The following NRCAM variants were observed in gnomAD, a reference collection of about 807,000 sequenced individuals.
NRCAM encodes the protein neuronal cell adhesion molecule.
Under a neutral mutation model 156.5 loss-of-function variants are expected in NRCAM, and 83 were observed. The observed-to-expected ratio is 0.53, with a 90% CI of 0.44 to 0.64. NRCAM has a LOEUF of 0.64. Among genes scored for constraint, NRCAM ranks in the 30% least tolerant of loss-of-function variants. NRCAM has a pLI of 0.00. For synonymous variants in NRCAM, 538 were observed against 563.9 expected, an observed-to-expected ratio of 0.95 and a Z score of 0.65; for missense variants, 1,417 against 1,597.3, an observed-to-expected ratio of 0.89 and a Z score of 1.92.
intron 3 of NRCAM, among the ~76,000 whole-genome samples, chr7:108,279,258 A>T (rs906743197): frequency 3.9e-5 from 6 of 152,136 alleles, no homozygotes; most frequent in Non-Finnish European, 5.9e-5. Flanking sequence ...TAGTTTTATC[A>T]ATTTTATTTC....
chr7:108,271,310 A>G (rs2097338422), intron 3 of NRCAM, among the ~76,000 whole-genome samples: 1 of 152,196 alleles, frequency 6.6e-6, no homozygotes, highest in African/African-American at 2.4e-5. Context: ...AGGAAAAAAT[A>G]GTCTTCTGCT....
chr7:108,311,274 C>G (rs563321369), intron 3 of NRCAM, among the ~76,000 whole-genome samples: 1 of 152,316 alleles, frequency 6.6e-6, no homozygotes, highest in East Asian at 1.9e-4. Context: ...AATACCATTA[C>G]TAGTAACTCC....
intron 1 of NRCAM, among the ~76,000 whole-genome samples, chr7:108,408,070 T>C (rs572266042): frequency 1.4e-3 from 208 of 152,348 alleles, no homozygotes; most frequent in Middle Eastern, 6.8e-3. Flanking sequence ...GAAGTGATTT[T>C]ATCATTTTCA....
chr7:108,368,183 C>A (rs2099603617), intron 2 of NRCAM, among the ~76,000 whole-genome samples: 1 of 151,366 alleles, frequency 6.6e-6, no homozygotes, highest in African/African-American at 2.4e-5. Flanking sequence ...AGCACCGGCT[C>A]TTCCTGCAGG....
chr7:108,427,798 A>G (rs925305676), intron 1 of NRCAM, among the ~76,000 whole-genome samples: 2 of 152,222 alleles, frequency 1.3e-5, no homozygotes, highest in African/African-American at 4.8e-5. Flanking sequence ...AAAAGTAAAC[A>G]GCAAATCCAA....
In NRCAM at chr7:108,325,132, T is replaced by G. The variant is rs146625679; in HGVS notation, c.-173-12401A>C. 2.8e-5 allele frequency among the ~76,000 whole-genome samples: 4 copies of G among 141,450 alleles called. No individual in the cohort carries two copies. The East Asian group carries it at 8.2e-4, about 29-fold the overall frequency. The allele number at this position is 141,450 out of a possible 152,430, so 92.8% of individuals were successfully genotyped here. A position where few individuals can be genotyped will look rare whatever the true frequency, so the allele number is the denominator to read the frequency against. On this transcript the variant is annotated intron_variant, in intron 2 of 32. Transcript: ENST00000379028. Reference sequence around the variant, plus strand: ...CTTGTGGGAAAAGAAGGAAAATACATTAGTCTTTTCAGCTAACCTAGAAAA... The same window carrying G: ...CTTGTGGGAAAAGAAGGAAAATACAGTAGTCTTTTCAGCTAACCTAGAAAA...
intron 2 of NRCAM, among the ~76,000 whole-genome samples, chr7:108,373,595 G>C (rs147219491): frequency 6.6e-6 from 1 of 152,268 alleles, no homozygotes; most frequent in Non-Finnish European, 1.5e-5. Flanking sequence ...AATCAGTTAT[G>C]GTTGTTAGCA....
At chr7:108,248,242 T>C (rs1179385043) in intron 3 of NRCAM, among the ~76,000 whole-genome samples, 5 of 152,112 alleles carry the variant, frequency 3.3e-5, no homozygotes, top group Admixed American at 3.3e-4. Context: ...AAGCAACACA[T>C]GGCAAAATGG....
intron 1 of NRCAM, among the ~76,000 whole-genome samples, chr7:108,438,328 G>C (rs532906129): frequency 6.6e-6 from 1 of 152,212 alleles, no homozygotes; most frequent in East Asian, 1.9e-4. Flanking sequence ...TGTACAATAT[G>C]ACCAAGTGGG....
intron 2 of NRCAM, among the ~76,000 whole-genome samples, chr7:108,345,000 C>T (rs1229580772): frequency 1.3e-5 from 2 of 152,170 alleles, no homozygotes; most frequent in Non-Finnish European, 2.9e-5. Flanking sequence ...TAGGATTCAA[C>T]TCAATCTGTG....
intron 29 of NRCAM, 68 bp from the exon 30 acceptor site, chr7:108,167,141 A>G: frequency 8.2e-7 from 1 of 1,224,114 alleles, no homozygotes; most frequent in Non-Finnish European, 1.2e-6. Context: ...TAATGCTTCA[A>G]GAAAGGAAAA....
At chr7:108,307,887 G>A (rs11768790) in intron 3 of NRCAM, among the ~76,000 whole-genome samples, 1 of 151,846 alleles carries the variant, frequency 6.6e-6, no homozygotes, top group South Asian at 2.1e-4. Flanking sequence ...CTGGAAGGAA[G>A]AGACATGATA....
Position 108,240,088 on chromosome 7 carries a change from AC to A in NRCAM, c.-25del, listed in dbSNP as rs775161514. 6.7e-7 allele frequency: 1 copy of A among 1,499,872 alleles called. No individual in the cohort carries two copies. Among genetic ancestry groups the A allele is most frequent in the East Asian group, 2.3e-5 (1 of 44,200 alleles). 92.9% of individuals were successfully genotyped at this position (1,499,872 alleles called of 1,614,324 possible). On this transcript the variant is annotated 5_prime_UTR_variant, in exon 4 of 33. Coordinates refer to ENST00000379028, the MANE Select transcript of NRCAM (RefSeq NM_001037132.4). ...ATTAGCTTAACTCCTGCTGAGACTCACACACTGAATTTCCTTTTCTTCTTTC... is the reference window on the plus strand; with the variant it reads ...ATTAGCTTAACTCCTGCTGAGACTCAACACTGAATTTCCTTTTCTTCTTTC...
chr7:108,176,843 A>G (rs1423150968), intron 26 of NRCAM: 3 of 301,722 alleles, frequency 9.9e-6, no homozygotes, highest in Non-Finnish European at 1.8e-5. Flanking sequence ...TATGTTCTCT[A>G]TTGGCTAATA....
At chr7:108,158,676 A>C (rs2046966547) in intron 32 of NRCAM, among the ~76,000 whole-genome samples, 1 of 152,158 alleles carries the variant, frequency 6.6e-6, no homozygotes, top group Non-Finnish European at 1.5e-5. Context: ...CTAAAAAGAA[A>C]AAAACAAGGT....
intron 2 of NRCAM, among the ~76,000 whole-genome samples, chr7:108,370,627 G>A (rs1218160560): frequency 6.6e-6 from 1 of 151,936 alleles, no homozygotes; most frequent in East Asian, 1.9e-4. Flanking sequence ...CATTGGCCCC[G>A]ATTTCCTTAA....
intron 2 of NRCAM, among the ~76,000 whole-genome samples, chr7:108,383,110 G>A (rs2099708832): frequency 6.8e-6 from 1 of 147,096 alleles, no homozygotes; most frequent in Non-Finnish European, 1.5e-5. Context: ...TTCAACCACT[G>A]AGTCACACCA....
chr7:108,175,651 C>T (rs534660999), intron 27 of NRCAM, among the ~76,000 whole-genome samples: 3 of 152,220 alleles, frequency 2.0e-5, no homozygotes, highest in Admixed American at 6.5e-5. Flanking sequence ...TAGGATATTT[C>T]AAACCAATTT....
intron 2 of NRCAM, among the ~76,000 whole-genome samples, chr7:108,325,222 T>G (rs2099055064): frequency 6.6e-6 from 1 of 152,158 alleles, no homozygotes; most frequent in African/African-American, 2.4e-5. Flanking sequence ...GTTCTTGGAT[T>G]ACCATGGCAT....
Sources: gnomAD v4.1 joint callset for allele counts (sites outside exome capture counted in the v4.1 genomes callset) on GRCh38, gnomAD v4.1.1 for gene constraint, MANE v1.5 for transcripts, NCBI Gene and HGNC (gene_info 2026-07-23, HGNC 2026-07-21) for gene names.